The following PRKN variants were observed in gnomAD, a reference collection of about 807,000 sequenced individuals.
The protein encoded by PRKN is E3 ubiquitin-protein ligase parkin.
PRKN carries 56 observed loss-of-function variants against 59.5 expected under a neutral mutation model. That is an observed-to-expected ratio of 0.94 (90% confidence interval 0.76 to 1.18). The LOEUF (loss-of-function observed/expected upper bound fraction) is 1.18, where lower values mean the gene tolerates loss of function less well. Ranked by LOEUF, PRKN falls within the 50% of genes most tolerant of loss-of-function variation. The pLI, the probability that PRKN is intolerant of heterozygous loss-of-function variation, is 0.00. For synonymous variants in PRKN, 250 were observed against 222.1 expected (o/e 1.13, Z -1.12); for missense variants, 657 against 596.4 (o/e 1.10, Z -1.06).
intron 6 of PRKN, among the ~76,000 whole-genome samples, chr6:161,856,003 C>T (rs1487102865): frequency 6.6e-6 from 1 of 152,142 alleles, no homozygotes; most frequent in East Asian, 1.9e-4. Context: ...TACTTAGATG[C>T]TAGGAAAGCA....
intron 8 of PRKN, among the ~76,000 whole-genome samples, chr6:161,564,434 G>A (rs1421794639): frequency 1.3e-5 from 2 of 152,058 alleles, no homozygotes; most frequent in Admixed American, 6.6e-5. Flanking sequence ...CCCCATGCTT[G>A]GGGAACTCAT....
chr6:161,613,134 A>G (rs1470384765), intron 7 of PRKN, among the ~76,000 whole-genome samples: 1 of 152,216 alleles, frequency 6.6e-6, no homozygotes, highest in Non-Finnish European at 1.5e-5. Flanking sequence ...AAGAACATTC[A>G]TGATTTGTAG....
At chr6:162,377,957 C>G (rs1786210441) in intron 2 of PRKN, among the ~76,000 whole-genome samples, 1 of 152,120 alleles carries the variant, frequency 6.6e-6, no homozygotes, top group African/African-American at 2.4e-5. Flanking sequence ...TGGGAGAACG[C>G]CTAGTAAAAC....
At chr6:162,480,632 G>C (rs965232808) in intron 1 of PRKN, among the ~76,000 whole-genome samples, 3 of 151,920 alleles carry the variant, frequency 2.0e-5, no homozygotes, top group Non-Finnish European at 4.4e-5. Flanking sequence ...CTGTGTTAGC[G>C]AGGGGAAAAA....
intron 1 of PRKN, among the ~76,000 whole-genome samples, chr6:162,549,014 C>A (rs1344646003): frequency 6.7e-6 from 1 of 149,096 alleles, no homozygotes; most frequent in African/African-American, 2.4e-5. Flanking sequence ...TGGACTCAAT[C>A]TTCCCCTCAC....
chr6:162,224,175 T>C (rs1385614041), intron 3 of PRKN, among the ~76,000 whole-genome samples: 2 of 152,174 alleles, frequency 1.3e-5, no homozygotes, highest in African/African-American at 2.4e-5. Context: ...ATATTTGGCA[T>C]ATAGATACAC....
chr6:162,642,778 C>T (rs1311829652), intron 1 of PRKN, among the ~76,000 whole-genome samples: 1 of 151,624 alleles, frequency 6.6e-6, no homozygotes, highest in African/African-American at 2.4e-5. Flanking sequence ...CAAAAATTCA[C>T]CTCATGTGAA....
At chr6:161,612,549 C>T (rs1039464904) in intron 7 of PRKN, among the ~76,000 whole-genome samples, 40 of 151,740 alleles carry the variant, frequency 2.6e-4, no homozygotes, top group African/African-American at 9.7e-4. Context: ...GGTGAAACCC[C>T]CTCTCTACTA....
At chr6:162,478,244 C>A (rs928095429) in intron 1 of PRKN, among the ~76,000 whole-genome samples, 2 of 152,136 alleles carry the variant, frequency 1.3e-5, no homozygotes, top group African/African-American at 4.8e-5. Context: ...ATTCAGGCTG[C>A]GGCTCAGAGT....
chr6:161,985,451 A>G (rs1042100224), intron 5 of PRKN, among the ~76,000 whole-genome samples: 2 of 152,142 alleles, frequency 1.3e-5, no homozygotes, highest in Non-Finnish European at 2.9e-5. Context: ...CCTCCAGGAG[A>G]GGACATATAA....
At chr6:162,432,593 T>C (rs2128163727) in intron 2 of PRKN, among the ~76,000 whole-genome samples, 1 of 152,282 alleles carries the variant, frequency 6.6e-6, no homozygotes, top group East Asian at 1.9e-4. Flanking sequence ...AAGATTAGTA[T>C]GTATTTAATC....
At chr6:162,040,340 G>A (rs1784017339) in intron 5 of PRKN, among the ~76,000 whole-genome samples, 2 of 151,588 alleles carry the variant, frequency 1.3e-5, no homozygotes, top group South Asian at 2.1e-4. Flanking sequence ...AAGTTCTACT[G>A]TTTTCTGTTC....
At chr6:161,590,679 G>A (rs779836457) in intron 7 of PRKN, among the ~76,000 whole-genome samples, 6 of 151,262 alleles carry the variant, frequency 4.0e-5, no homozygotes, top group Non-Finnish European at 8.8e-5. Flanking sequence ...GTTGTGGTGG[G>A]CCAAGATCAT....
At chr6:162,631,720 C>G (rs1356536088) in intron 1 of PRKN, among the ~76,000 whole-genome samples, 2 of 151,970 alleles carry the variant, frequency 1.3e-5, no homozygotes, top group African/African-American at 4.8e-5. Context: ...TATTTTTGTT[C>G]TTGTTGCAAT....
intron 5 of PRKN, among the ~76,000 whole-genome samples, chr6:161,980,395 C>T (rs892237676): frequency 1.3e-5 from 2 of 152,134 alleles, no homozygotes; most frequent in African/African-American, 2.4e-5. Flanking sequence ...GTACTTAACA[C>T]GTAACTGCAT....
chr6:161,679,941 A>G (rs1441389417), intron 7 of PRKN, among the ~76,000 whole-genome samples: 1 of 151,312 alleles, frequency 6.6e-6, no homozygotes, highest in Non-Finnish European at 1.5e-5. Context: ...TTTTTAGTAG[A>G]GACGGGGTTT....
At chr6:162,693,080 A>C (rs1444740600) in intron 1 of PRKN, among the ~76,000 whole-genome samples, 1 of 152,240 alleles carries the variant, frequency 6.6e-6, no homozygotes, top group African/African-American at 2.4e-5. Context: ...TTTGATATTT[A>C]GGCCAATTAC....
At chr6:162,027,219 T>TACAGTATGA (rs1169919807) in intron 5 of PRKN, among the ~76,000 whole-genome samples, 2 of 152,200 alleles carry the variant, frequency 1.3e-5, no homozygotes, top group African/African-American at 4.8e-5. Context: ...ACTGTATTTT[T>TACAGTATGA]AGTCTCCATA....
intron 4 of PRKN, among the ~76,000 whole-genome samples, chr6:162,089,719 A>G (rs1779396982): frequency 6.6e-6 from 1 of 152,242 alleles, no homozygotes; most frequent in Non-Finnish European, 1.5e-5. Context: ...AAAAGGAATG[A>G]GGTACCACAA....
Sources: allele counts gnomAD v4.1 joint callset (sites outside exome capture counted in the v4.1 genomes callset), GRCh38; gene constraint gnomAD v4.1.1; transcripts MANE v1.5; gene names NCBI Gene and HGNC (gene_info 2026-07-23, HGNC 2026-07-21).